The following VDR variants were observed in gnomAD, a reference collection of about 807,000 sequenced individuals.
The protein encoded by VDR is vitamin D receptor, also known as vitamin D3 receptor.
Under a neutral mutation model 39.7 loss-of-function variants are expected in VDR, and 19 were observed. That is an observed-to-expected ratio of 0.48 (90% CI 0.33 to 0.70). The LOEUF (loss-of-function observed/expected upper bound fraction) is 0.70. VDR is among the 30% of genes least tolerant of loss of function. The pLI, the probability that VDR is intolerant of heterozygous loss-of-function variation, is 0.02. For synonymous variants in VDR, 242 were observed against 215.8 expected, an observed-to-expected ratio of 1.12 and a Z score of -1.07; for missense variants, 442 against 570.5, an observed-to-expected ratio of 0.77 and a Z score of 2.29.
At position 47,846,907 on chromosome 12, in the gene VDR, C is replaced by T. The variant is rs1945292159; in HGVS notation, c.756-99G>A. 3 of 1,382,984 alleles carry T rather than the reference C, an allele frequency of 2.2e-6. No homozygotes were observed. The African/African-American group carries it at 4.3e-5, about 20-fold the overall frequency. The allele number at this position is 1,382,984 out of a possible 1,614,324, so 85.7% of individuals were successfully genotyped here. ...TGACAGGTATACACCTGCTGGGCAC[C>T]AACATGCACCCTGGGTCTTTCATCG... On this transcript the variant is annotated intron_variant, in intron 7 of 9. Transcript: ENST00000549336.
intron 4 of VDR, among the ~76,000 whole-genome samples, chr12:47,861,217 A>G (rs1945619686): frequency 6.6e-6 from 1 of 152,274 alleles, no homozygotes; most frequent in Non-Finnish European, 1.5e-5. Context: ...TTGTGTTCCA[A>G]TCCATCTGAA....
intron 5 of VDR, 29 bp downstream of exon 5, chr12:47,857,475 C>G (rs753860651): frequency 6.2e-7 from 1 of 1,613,904 alleles, no homozygotes; most frequent in Non-Finnish European, 8.5e-7. Flanking sequence ...TCCTCTGGAC[C>G]GGCTCATCCT....
intron 1 of VDR, among the ~76,000 whole-genome samples, chr12:47,895,835 T>C (rs1436658798): frequency 2.0e-5 from 3 of 152,190 alleles, no homozygotes; most frequent in Non-Finnish European, 1.5e-5. Context: ...AGGCTGAAGC[T>C]CCTGCCGGAA....
At chr12:47,887,763 GC>G (rs1421760953) in intron 1 of VDR, among the ~76,000 whole-genome samples, 6 of 152,372 alleles carry the variant, frequency 3.9e-5, no homozygotes, top group African/African-American at 1.4e-4. Context: ...AGGAGGCTGG[GC>G]CCCAGCAACG....
At chr12:47,863,601 G>T (rs1011085763) in intron 4 of VDR, among the ~76,000 whole-genome samples, 2 of 152,184 alleles carry the variant, frequency 1.3e-5, no homozygotes, top group South Asian at 2.1e-4. Flanking sequence ...AGGCACCCGG[G>T]CCTCCAGCCT....
In VDR at chr12:47,844,433, A is replaced by T; in HGVS notation, c.*313T>A. On this transcript the variant is annotated 3_prime_UTR_variant, in exon 10 of 10. Transcript: ENST00000549336. ...GTTCCCTCAACATCAGTCAGCAGCC[A>T]CTTAGGCAGCGGTGGAGGCATCTCT... The T allele has an allele frequency of 1.9e-6, 1 of 535,976 alleles. No homozygotes were observed. Among genetic ancestry groups the T allele is most frequent in the African/African-American group, 1.9e-5 (1 of 52,644 alleles). The allele number at this position is 535,976 out of a possible 1,614,324, so 33.2% of individuals were successfully genotyped here.
intron 3 of VDR, among the ~76,000 whole-genome samples, chr12:47,875,916 T>C (rs1945990730): frequency 6.6e-6 from 1 of 152,182 alleles, no homozygotes; most frequent in Non-Finnish European, 1.5e-5. Flanking sequence ...CTAACACACA[T>C]AGTTTCCCTG....
chr12:47,902,862 G>C lies in VDR; in HGVS notation c.-84+2093C>G, dbSNP rs1180990714. On this transcript the variant is annotated intron_variant, in intron 1 of 9. Coordinates refer to ENST00000549336, the MANE Select transcript of VDR (RefSeq NM_000376.3). ...ACCTGATGTAGCCCACTCGGTCCCA[G>C]GCCTTTCTCCATTCACAGCCTGGGC... Among the ~76,000 whole-genome samples, 5 of 152,202 alleles carry C rather than the reference G, an allele frequency of 3.3e-5. No homozygotes were observed. In the East Asian group the frequency reaches 7.7e-4, roughly 23 times the overall value.
intron 1 of VDR, among the ~76,000 whole-genome samples, chr12:47,902,003 G>C (rs1304658244): frequency 6.6e-6 from 1 of 152,228 alleles, no homozygotes; most frequent in East Asian, 1.9e-4. Context: ...GGTGTCGGGG[G>C]CTGTCCTCAG....
chr12:47,869,883 T>A (rs766637937), intron 3 of VDR, among the ~76,000 whole-genome samples: 2 of 152,114 alleles, frequency 1.3e-5, no homozygotes, highest in African/African-American at 2.4e-5. Context: ...GGTGACAAAG[T>A]GAGATCCTGT....
intron 1 of VDR, among the ~76,000 whole-genome samples, chr12:47,902,754 G>A (rs546990730): frequency 4.3e-4 from 65 of 152,308 alleles, no homozygotes; most frequent in Non-Finnish European, 3.4e-4. Flanking sequence ...CCAGGACAGC[G>A]GTGCCTCCTT....
intron 2 of VDR, 143 bp downstream of exon 2, chr12:47,882,551 C>T: frequency 1.4e-6 from 1 of 691,648 alleles, no homozygotes; most frequent in East Asian, 2.7e-5. Context: ...GTTGCAGACT[C>T]TGCTGGCCCG....
Position 47,844,353 on chromosome 12 carries a change from T to G in VDR, c.*393A>C. On this transcript the variant is annotated 3_prime_UTR_variant, in exon 10 of 10. Transcript: ENST00000549336. ...GGCGCTGGACAAGCGGGGCCTGCAG[T>G]GGGGGGAGGTGCAGGTGTCTCTGTC... The G allele has an allele frequency of 2.9e-6, 1 of 343,826 alleles. No individual in the cohort carries two copies. The highest frequency in any genetic ancestry group is 5.5e-6 in the Non-Finnish European group (1 of 181,470). 21.3% of individuals were successfully genotyped at this position (343,826 alleles called of 1,614,324 possible).
intron 1 of VDR, chr12:47,898,814 A>T (rs974490022): frequency 3.2e-5 from 5 of 155,382 alleles, no homozygotes; most frequent in African/African-American, 9.6e-5. Context: ...GAAATGAAAC[A>T]ACATAGTGTT....
intron 3 of VDR, among the ~76,000 whole-genome samples, chr12:47,871,292 C>CTCTTTCTTTCTTTCTTCCTTCCTT (rs1555153493): frequency 3.8e-5 from 3 of 79,854 alleles, no homozygotes; most frequent in African/African-American, 1.4e-4. Flanking sequence ...CTTTCTCTTT[C>CTCTTTCTTTCTTTCTTCCTTCCTT]TCTTTCTTTC....
In VDR at chr12:47,859,910, CTTCCTTCTTTCTTTTTCTTTCTTTCT is replaced by C. The variant is rs1173527530; in HGVS notation, c.278-2248_278-2223del. Among the ~76,000 whole-genome samples, 233 of 45,680 alleles carry C rather than the reference CTTCCTTCTTTCTTTTTCTTTCTTTCT, an allele frequency of 5.1e-3. 1 individual carries two copies. The Middle Eastern group carries it at 0.051, about 10-fold the overall frequency. 30.0% of individuals were successfully genotyped at this position (45,680 alleles called of 152,430 possible). A position where few individuals can be genotyped will look rare whatever the true frequency, so the allele number is the denominator to read the frequency against. On this transcript the variant is annotated intron_variant, in intron 4 of 9. Transcript: ENST00000549336. The stretch of plus-strand genomic sequence containing the variant: ...CCTTCCTTCCTTCCTTCCTTCCTTC[CTTCCTTCTTTCTTTTTCTTTCTTTCT>C]TTCTTTCTTTCTTTCTTTCTTTCTT...
intron 1 of VDR, among the ~76,000 whole-genome samples, chr12:47,888,038 G>A (rs902324920): frequency 3.9e-5 from 6 of 152,204 alleles, no homozygotes; most frequent in African/African-American, 1.4e-4. Context: ...AGAGAAAGAG[G>A]TTTAACTGGA....
intron 5 of VDR, 61 bp downstream of exon 5, chr12:47,857,443 G>A (rs974620930): frequency 3.7e-6 from 6 of 1,612,080 alleles, no homozygotes; most frequent in African/African-American, 1.3e-5. Flanking sequence ...TACTCCCTGG[G>A]CCCTGGCTCC....
At chr12:47,871,714 C>T (rs1945884220) in intron 3 of VDR, among the ~76,000 whole-genome samples, 1 of 152,178 alleles carries the variant, frequency 6.6e-6, no homozygotes, top group African/African-American at 2.4e-5. Flanking sequence ...ATCCACCCAC[C>T]TTGGCCTCCC....
Sources: gnomAD v4.1 joint callset for allele counts (sites outside exome capture counted in the v4.1 genomes callset) on GRCh38, gnomAD v4.1.1 for gene constraint, MANE v1.5 for transcripts, NCBI Gene and HGNC (gene_info 2026-07-23, HGNC 2026-07-21) for gene names.